The following DCC variants were observed in gnomAD, a reference collection of about 807,000 sequenced individuals.
DCC encodes netrin receptor DCC.
Under a neutral mutation model 172.5 loss-of-function variants are expected in DCC, and 58 were observed. The ratio of observed to expected loss-of-function variants is 0.34; its 90% CI spans 0.27 to 0.42. DCC has a LOEUF of 0.42. Among genes scored for constraint, DCC ranks in the 10% least tolerant of loss-of-function variants. DCC has a pLI of 1.00. For missense variants in DCC, 1,740 were observed against 1,791.0 expected (o/e 0.97, Z 0.51); for synonymous variants, 709 against 644.5 (o/e 1.10, Z -1.52).
At chr18:52,792,469 C>T (rs371972908) in intron 2 of DCC, among the ~76,000 whole-genome samples, 82 of 152,306 alleles carry the variant, frequency 5.4e-4, no homozygotes, top group African/African-American at 1.7e-3. Context: ...TTGGGTAACA[C>T]TCAGGGGTAG....
chr18:52,389,374 G>A (rs1985941519), intron 1 of DCC, among the ~76,000 whole-genome samples: 1 of 152,062 alleles, frequency 6.6e-6, no homozygotes, highest in Admixed American at 6.6e-5. Flanking sequence ...ATTAGTCATA[G>A]TTTATCTGAA....
At chr18:53,033,671 A>C (rs1299068785) in intron 5 of DCC, among the ~76,000 whole-genome samples, 3 of 152,066 alleles carry the variant, frequency 2.0e-5, no homozygotes, top group Non-Finnish European at 4.4e-5. Context: ...TCTGTGCTAG[A>C]TCATTCTCAA....
intron 9 of DCC, among the ~76,000 whole-genome samples, chr18:53,191,138 G>GAAA (rs1473360350): frequency 9.2e-5 from 14 of 152,086 alleles, no homozygotes; most frequent in Non-Finnish European, 1.9e-4. Context: ...GCCTTGCAGT[G>GAAA]AAATAAAAAA....
rs190360751 is a variant in DCC, at chr18:52,568,832, C to T, written c.92-183222C>T. 2.4e-3 allele frequency among the ~76,000 whole-genome samples: 367 copies of T among 152,024 alleles called. 2 individuals are homozygous for T. Among genetic ancestry groups the T allele is most frequent in the African/African-American group, 8.2e-3 (338 of 41,466 alleles). On this transcript the variant is annotated intron_variant, in intron 1 of 28. Coordinates refer to ENST00000442544, the MANE Select transcript of DCC (RefSeq NM_005215.4). The stretch of plus-strand genomic sequence containing the variant: ...CTCTAGAATGATATTTTTTTAAATG[C>T]CTAAGTTTAAATTTTTCAAATAAGT...
At chr18:53,081,976 C>A (rs924118618) in intron 7 of DCC, among the ~76,000 whole-genome samples, 1 of 152,012 alleles carries the variant, frequency 6.6e-6, no homozygotes, top group African/African-American at 2.4e-5. Flanking sequence ...TTCTCTAAGG[C>A]ACCGTAGATG....
intron 21 of DCC, among the ~76,000 whole-genome samples, chr18:53,420,399 C>T (rs1011562921): frequency 8.5e-5 from 13 of 152,134 alleles, no homozygotes; most frequent in Non-Finnish European, 1.6e-4. Context: ...GATCCTGACA[C>T]TTCTTTATTT....
At chr18:53,400,159 C>A (rs777815618) in intron 18 of DCC, among the ~76,000 whole-genome samples, 68 of 151,946 alleles carry the variant, frequency 4.5e-4, no homozygotes, top group Non-Finnish European at 9.3e-4. Flanking sequence ...AAAATCAGAG[C>A]AAACAAAGTA....
At chr18:53,077,606 T>G (rs971993501) in intron 7 of DCC, among the ~76,000 whole-genome samples, 2 of 152,126 alleles carry the variant, frequency 1.3e-5, no homozygotes, top group Non-Finnish European at 2.9e-5. Context: ...TTCTGGTCAG[T>G]GGACTCTCCC....
chr18:52,465,315 G>T (rs913172276), intron 1 of DCC, among the ~76,000 whole-genome samples: 2 of 152,120 alleles, frequency 1.3e-5, no homozygotes, highest in African/African-American at 4.8e-5. Flanking sequence ...TTGGGGAACT[G>T]GTATAAGTGA....
intron 1 of DCC, among the ~76,000 whole-genome samples, chr18:52,424,673 C>T (rs1346622904): frequency 1.3e-5 from 2 of 151,980 alleles, no homozygotes; most frequent in African/African-American, 2.4e-5. Context: ...TAAGAAAGTG[C>T]CACATTTTTT....
intron 28 of DCC, among the ~76,000 whole-genome samples, chr18:53,529,404 G>T (rs1295881684): frequency 6.6e-6 from 1 of 152,104 alleles, no homozygotes; most frequent in Non-Finnish European, 1.5e-5. Context: ...CATGGCTCAG[G>T]CCTCATTGGT....
At chr18:53,176,929 C>G (rs975662220) in intron 8 of DCC, among the ~76,000 whole-genome samples, 3 of 151,152 alleles carry the variant, frequency 2.0e-5, no homozygotes, top group Non-Finnish European at 4.4e-5. Flanking sequence ...GGAACCAACC[C>G]AAATGTCCAA....
intron 1 of DCC, among the ~76,000 whole-genome samples, chr18:52,479,892 G>T (rs189354405): frequency 1.3e-5 from 2 of 151,988 alleles, no homozygotes; most frequent in East Asian, 1.9e-4. Flanking sequence ...GACGACTTCT[G>T]CTCTCAGTTC....
intron 27 of DCC, among the ~76,000 whole-genome samples, chr18:53,521,981 A>G (rs2046403836): frequency 6.6e-6 from 1 of 152,130 alleles, no homozygotes. Flanking sequence ...TTATAAATTC[A>G]GGTTTAATCA....
Position 52,346,604 on chromosome 18 carries a change from T to C in DCC, c.91+5726T>C, listed in dbSNP as rs184305671. Among the ~76,000 whole-genome samples, 80 of 152,292 alleles carry C rather than the reference T, an allele frequency of 5.3e-4. 1 individual carries two copies. The East Asian group carries it at 9.5e-3, about 18-fold the overall frequency. ...GCATAAGATTGAATATGCCTTCTTT[T>C]TCAATATTGATGGGAATTTGCCAAT... On this transcript the variant is annotated intron_variant, in intron 1 of 28. Coordinates refer to ENST00000442544, the MANE Select transcript of DCC (RefSeq NM_005215.4).
At chr18:52,575,923 T>C (rs539294214) in intron 1 of DCC, among the ~76,000 whole-genome samples, 1 of 152,240 alleles carries the variant, frequency 6.6e-6, no homozygotes, top group African/African-American at 2.4e-5. Flanking sequence ...TAGCAATAAA[T>C]ACATGCCAAA....
chr18:53,416,052 T>C, intron 20 of DCC, 72 bp from the exon 21 acceptor site: 1 of 1,122,340 alleles, frequency 8.9e-7, no homozygotes, highest in Middle Eastern at 2.4e-4. Context: ...AAAAGAACTG[T>C]TGGTTTGATA....
Position 53,409,936 on chromosome 18 carries a change from G to GA in DCC, c.2936-513dup, listed in dbSNP as rs1909883606. ...GGTCACCTGCAGCTTCACCGTCTGT[G>GA]AAAGGAAAGCAACACCGCCCCTGGC... On this transcript the variant is annotated intron_variant, in intron 19 of 28. Transcript: ENST00000442544. Among the ~76,000 whole-genome samples, 3 of 152,286 alleles carry GA rather than the reference G, an allele frequency of 2.0e-5. No homozygotes were observed. In the South Asian group the frequency reaches 6.2e-4, roughly 32 times the overall value.
At chr18:52,897,123 T>C (rs67363565) in intron 2 of DCC, among the ~76,000 whole-genome samples, 9,636 of 152,218 alleles carry the variant, frequency 0.063, 394 homozygotes, top group East Asian at 0.22. Flanking sequence ...ATGGGGATTA[T>C]AGGAGTCCCC....
Sources: gnomAD v4.1 joint callset for allele counts (sites outside exome capture counted in the v4.1 genomes callset) on GRCh38, gnomAD v4.1.1 for gene constraint, MANE v1.5 for transcripts, NCBI Gene and HGNC (gene_info 2026-07-23, HGNC 2026-07-21) for gene names.